SSPN: variants seen among roughly 807,000 people sequenced by gnomAD.
SSPN encodes K-ras oncogene-associated protein.
Under a neutral mutation model 19.1 loss-of-function variants are expected in SSPN, and 15 were observed. That is an observed-to-expected ratio of 0.78 (90% confidence interval 0.52 to 1.21). SSPN has a LOEUF of 1.21. Among genes scored for constraint, SSPN ranks in the 50% most tolerant of loss-of-function variants. The probability of loss-of-function intolerance (pLI) is 0.00; values close to 1 mark genes in which losing one functional copy is unlikely to be tolerated. For missense variants in SSPN, 291 were observed against 314.0 expected (o/e 0.93, Z 0.55); for synonymous variants, 147 against 140.3 (o/e 1.05, Z -0.34).
intron 1 of SSPN, among the ~76,000 whole-genome samples, chr12:26,159,960 A>G (rs1419157520): frequency 1.3e-5 from 2 of 152,198 alleles, no homozygotes; most frequent in African/African-American, 4.8e-5. Flanking sequence ...AGTCTGGACC[A>G]TGAAGGGGAT....
At chr12:26,143,758 C>T (rs7953277) in intron 1 of SSPN, among the ~76,000 whole-genome samples, 33,713 of 152,212 alleles carry the variant, frequency 0.22, 3,924 homozygotes, top group East Asian at 0.31. Flanking sequence ...CTAACCCCCA[C>T]AGCAGGAGGT....
intron 1 of SSPN, chr12:26,122,949 C>T (rs748033209): frequency 1.3e-6 from 2 of 1,556,520 alleles, no homozygotes; most frequent in East Asian, 4.8e-5. Context: ...AGCGCCGGTG[C>T]CTTTGCTCAG....
chr12:26,214,983 G>T (rs1479086443), intron 1 of SSPN, among the ~76,000 whole-genome samples: 1 of 152,150 alleles, frequency 6.6e-6, no homozygotes, highest in Non-Finnish European at 1.5e-5. Flanking sequence ...CAAGGTGGGG[G>T]TTGTATAAGC....
At chr12:26,162,747 T>A (rs2137425878) in intron 1 of SSPN, among the ~76,000 whole-genome samples, 1 of 152,302 alleles carries the variant, frequency 6.6e-6, no homozygotes, top group African/African-American at 2.4e-5. Context: ...ATTGCCTTTA[T>A]AAGGAAACCA....
chr12:26,173,005 G>A (rs1944662918), intron 1 of SSPN, among the ~76,000 whole-genome samples: 1 of 152,110 alleles, frequency 6.6e-6, no homozygotes, highest in Admixed American at 6.5e-5. Flanking sequence ...GCTCTCTTCT[G>A]TTTGCTGAAT....
chr12:26,153,138 C>T (rs1324410070), intron 1 of SSPN, among the ~76,000 whole-genome samples: 1 of 152,180 alleles, frequency 6.6e-6, no homozygotes, highest in African/African-American at 2.4e-5. Flanking sequence ...GTCATATTCC[C>T]TTGTTCTCAG....
chr12:26,191,576 G>T (rs546979297), upstream of SSPN, among the ~76,000 whole-genome samples: 17 of 152,166 alleles, frequency 1.1e-4, no homozygotes, highest in Admixed American at 2.6e-4. Context: ...TTATAAATGG[G>T]TCAATTCTGC....
At chr12:26,195,494 C>A, upstream of SSPN, 2 of 1,122,750 alleles carry the variant, frequency 1.8e-6, no homozygotes, top group Non-Finnish European at 2.3e-6. Flanking sequence ...CTCGAATCCC[C>A]CCTCTGCTGC....
chr12:26,138,508 T>G (rs771204195), intron 1 of SSPN, among the ~76,000 whole-genome samples: 11 of 152,236 alleles, frequency 7.2e-5, no homozygotes, highest in Non-Finnish European at 1.3e-4. Context: ...ATCTGGCCTG[T>G]CCAATGTGGT....
At chr12:26,124,804 G>C in intron 1 of SSPN, 3 of 1,613,668 alleles carry the variant, frequency 1.9e-6, no homozygotes, top group Non-Finnish European at 2.5e-6. Context: ...CGTTTCCTCT[G>C]TTTCGATTTT....
At chr12:26,176,844 C>T (rs1944687028) in intron 1 of SSPN, among the ~76,000 whole-genome samples, 1 of 152,144 alleles carries the variant, frequency 6.6e-6, no homozygotes. Flanking sequence ...AGTACAGCAA[C>T]CTCCCTCTTG....
At chr12:26,122,510 C>T (rs1565664516) in intron 1 of SSPN, 2 of 1,300,558 alleles carry the variant, frequency 1.5e-6, no homozygotes, top group African/African-American at 1.6e-5. Context: ...GCGGGAAGGG[C>T]GCGCCTCCGC....
In SSPN at chr12:26,221,185, C is replaced by A. The variant is rs566048891; in HGVS notation, c.280-3108C>A. On this transcript the variant is annotated intron_variant, in intron 1 of 2. Transcript: ENST00000242729. ...AATGTTTACTCTGCCTTTCTTCATG[C>A]CTTTGCACGTACTATTACTCTCTCT... 1.7e-4 allele frequency among the ~76,000 whole-genome samples: 26 copies of A among 152,260 alleles called. No individual in the cohort carries two copies. The South Asian group carries it at 3.5e-3, about 21-fold the overall frequency.
At chr12:26,201,401 C>T (rs1565685680) in intron 1 of SSPN, among the ~76,000 whole-genome samples, 1 of 150,948 alleles carries the variant, frequency 6.6e-6, no homozygotes, top group Non-Finnish European at 1.5e-5. Context: ...AAGAATTTGG[C>T]GAATTTGGCG....
At chr12:26,218,329 AG>A (rs1343806356) in intron 1 of SSPN, among the ~76,000 whole-genome samples, 1 of 3,926 alleles carries the variant, frequency 2.5e-4, no homozygotes, top group African/African-American at 2.8e-3. Context: ...GGGTGGGGGG[AG>A]GGGGGAGGGG....
intron 1 of SSPN, chr12:26,123,599 A>T (rs1420060096): frequency 6.6e-7 from 1 of 1,504,038 alleles, no homozygotes; most frequent in African/African-American, 1.4e-5. Context: ...CCGCTTCATC[A>T]GGGTAGGCTG....
chr12:26,202,187 T>C (rs1220410471), intron 1 of SSPN, among the ~76,000 whole-genome samples: 1 of 152,196 alleles, frequency 6.6e-6, no homozygotes, highest in African/African-American at 2.4e-5. Context: ...CTGTACATGT[T>C]CAGTACAGAC....
intron 1 of SSPN, among the ~76,000 whole-genome samples, chr12:26,175,507 C>T (rs2137436369): frequency 6.6e-6 from 1 of 152,118 alleles, no homozygotes; most frequent in South Asian, 2.1e-4. Flanking sequence ...ATTCTCTTGC[C>T]AGGTAGCTAA....
At chr12:26,186,344 C>G (rs975030845) in intron 1 of SSPN, among the ~76,000 whole-genome samples, 2 of 152,152 alleles carry the variant, frequency 1.3e-5, no homozygotes, top group Admixed American at 1.3e-4. Flanking sequence ...AACAAAATTT[C>G]CAGGTATAAT....
Sources: gnomAD v4.1 joint callset for allele counts (sites outside exome capture counted in the v4.1 genomes callset) on GRCh38, gnomAD v4.1.1 for gene constraint, MANE v1.5 for transcripts, NCBI Gene and HGNC (gene_info 2026-07-23, HGNC 2026-07-21) for gene names.